The following PRKAG2 variants were observed in gnomAD, a reference collection of about 807,000 sequenced individuals.
PRKAG2 encodes protein kinase AMP-activated non-catalytic subunit gamma 2.
A neutral mutation model predicts 69.6 loss-of-function variants in PRKAG2; 26 were observed. The ratio of observed to expected loss-of-function variants is 0.37; its 90% confidence interval spans 0.27 to 0.52. The LOEUF is 0.52. Ranked by LOEUF, PRKAG2 falls within the 20% of genes least tolerant of loss-of-function variation. The probability of loss-of-function intolerance (pLI) is 0.90; values close to 1 mark genes in which losing one functional copy is unlikely to be tolerated. For synonymous variants in PRKAG2, 293 were observed against 285.0 expected (o/e 1.03, Z -0.28); for missense variants, 557 against 740.0 (o/e 0.75, Z 2.87).
chr7:151,563,447 T>C (rs2150986031), intron 14 of PRKAG2, among the ~76,000 whole-genome samples: 1 of 152,342 alleles, frequency 6.6e-6, no homozygotes, highest in Admixed American at 6.5e-5. Context: ...GAGAAAAAAG[T>C]TTTACTGACT....
intron 3 of PRKAG2, among the ~76,000 whole-genome samples, chr7:151,729,878 C>T (rs1238210533): frequency 6.6e-6 from 1 of 152,226 alleles, no homozygotes; most frequent in Admixed American, 6.5e-5. Flanking sequence ...GCATCACCAC[C>T]ACCTGACCTG....
At chr7:151,736,107 G>A (rs771774638) in intron 3 of PRKAG2, 31 of 1,497,546 alleles carry the variant, frequency 2.1e-5, no homozygotes, top group Middle Eastern at 1.7e-4. Flanking sequence ...GGCACAGGGC[G>A]CCCCAAAAGC....
chr7:151,832,645 G>GCCC lies in PRKAG2; in HGVS notation c.114+43859_114+43861dup, dbSNP rs2079065103. Among the ~76,000 whole-genome samples, 8 of 151,580 alleles carry GCCC rather than the reference G, an allele frequency of 5.3e-5. No homozygotes were observed. In the South Asian group the frequency reaches 1.7e-3, roughly 32 times the overall value. ...ACCCTGGGTCCCTTCCACAGCGTGA[G>GCCC]CCCCCCGTGCCTGCAAAGGAACGCA... On this transcript the variant is annotated intron_variant, in intron 1 of 15. Coordinates refer to ENST00000287878, the MANE Select transcript of PRKAG2 (RefSeq NM_016203.4).
At chr7:151,876,474 C>CT in intron 1 of PRKAG2, 33 bp downstream of exon 1, 1 of 1,579,806 alleles carries the variant, frequency 6.3e-7, no homozygotes, top group Non-Finnish European at 8.6e-7. Context: ...GACAGGAGGG[C>CT]TGGGGAGCAG....
rs891038646 is a variant in PRKAG2 at position 151,780,849 on chromosome 7, C to G, written c.466+303G>C. Among the ~76,000 whole-genome samples, 1 of 152,176 alleles carries G rather than the reference C, an allele frequency of 6.6e-6. No individual in the cohort carries two copies. The highest frequency in any genetic ancestry group is 6.5e-5 in the Admixed American group (1 of 15,288). On this transcript the variant is annotated intron_variant, in intron 3 of 15. Transcript: ENST00000287878. The surrounding 1 kb of genome is among the most constrained non-coding windows in gnomAD (Gnocchi z 4.2). ...AGAAGGCTGGAGGCAAGTGTGTCAT[C>G]TGATTGTCCATACAAGCTGTACTGT...
rs1295335074 is a variant in PRKAG2, at chr7:151,814,640, A to G, written c.115-28099T>C. ...CTGTGCTCCGAGCTGCTGCCACTGCATGTCTGCAACAGATGGGGACCGGGG... is the reference window on the plus strand; with the variant it reads ...CTGTGCTCCGAGCTGCTGCCACTGCGTGTCTGCAACAGATGGGGACCGGGG... On this transcript the variant is annotated intron_variant, in intron 1 of 15. Coordinates refer to ENST00000287878, the MANE Select transcript of PRKAG2 (RefSeq NM_016203.4). This position sits in a 1 kb window ranked among gnomAD's most constrained non-coding sequence, Gnocchi z 4.8. 1.6e-6 allele frequency: 2 copies of G among 1,231,676 alleles called. No homozygotes were observed. Among genetic ancestry groups the G allele is most frequent in the Non-Finnish European group, 2.0e-6 (2 of 988,016 alleles). 76.3% of individuals were successfully genotyped at this position (1,231,676 alleles called of 1,614,324 possible).
chr7:151,749,163 C>G (rs992624550), intron 3 of PRKAG2, among the ~76,000 whole-genome samples: 13 of 151,544 alleles, frequency 8.6e-5, no homozygotes, highest in Non-Finnish European at 1.6e-4. Flanking sequence ...ATCCAAAGAT[C>G]AAACTCAGAA....
chr7:151,804,847 T>C (rs2078021622), intron 1 of PRKAG2, among the ~76,000 whole-genome samples: 1 of 152,168 alleles, frequency 6.6e-6, no homozygotes, highest in Non-Finnish European at 1.5e-5. Context: ...CAGGTTTTGT[T>C]GCGGCTGCTG....
At position 151,809,124 on chromosome 7, in the gene PRKAG2, G is replaced by A. The variant is rs2078282627; in HGVS notation, c.115-22583C>T. 3 of 415,728 alleles carry A rather than the reference G, an allele frequency of 7.2e-6. No individual in the cohort carries two copies. The East Asian group carries it at 2.1e-4, about 30-fold the overall frequency. 25.8% of individuals were successfully genotyped at this position (415,728 alleles called of 1,614,324 possible). A position where few individuals can be genotyped will look rare whatever the true frequency, so the allele number is the denominator to read the frequency against. On this transcript the variant is annotated intron_variant, in intron 1 of 15. Coordinates refer to ENST00000287878, the MANE Select transcript of PRKAG2 (RefSeq NM_016203.4). ...GGGGTGGTGGCAGATGCCTGCAGCT[G>A]GCTCCCAGCCAGGTTTGGCCATCCT...
chr7:151,596,581 T>A (rs1303820501), intron 5 of PRKAG2, among the ~76,000 whole-genome samples: 1 of 152,046 alleles, frequency 6.6e-6, no homozygotes, highest in Non-Finnish European at 1.5e-5. Context: ...AAACCCCGTC[T>A]CTACTAAAAA....
At chr7:151,585,247 C>T (rs929015890) in intron 6 of PRKAG2, among the ~76,000 whole-genome samples, 1 of 152,098 alleles carries the variant, frequency 6.6e-6, no homozygotes, top group Non-Finnish European at 1.5e-5. Context: ...ACAGGTTGAA[C>T]GTAAGTGATA....
chr7:151,776,974 C>G (rs1016140764), intron 3 of PRKAG2, among the ~76,000 whole-genome samples: 1 of 152,262 alleles, frequency 6.6e-6, no homozygotes, highest in Non-Finnish European at 1.5e-5. Flanking sequence ...TGGACACTGC[C>G]GGGGTGAGGC....
In PRKAG2 at chr7:151,692,724, C is replaced by T. The variant is rs549766479; in HGVS notation, c.467-17087G>A. On this transcript the variant is annotated intron_variant, in intron 3 of 15. Coordinates refer to ENST00000287878, the MANE Select transcript of PRKAG2 (RefSeq NM_016203.4). ...CCTTGAAGGAGGGACAGGCAGGGCT[C>T]GGATGGAGACGCCTCAGCATGATGG... Among the ~76,000 whole-genome samples the T allele has an allele frequency of 1.1e-4, 16 of 152,248 alleles. No individual in the cohort carries two copies. In the East Asian group the frequency reaches 2.9e-3, roughly 28 times the overall value.
At chr7:151,586,705 C>G (rs942104487) in intron 6 of PRKAG2, among the ~76,000 whole-genome samples, 1 of 152,170 alleles carries the variant, frequency 6.6e-6, no homozygotes, top group African/African-American at 2.4e-5. Flanking sequence ...CTGAGCAGTT[C>G]TGTTTTCTCT....
intron 5 of PRKAG2, among the ~76,000 whole-genome samples, chr7:151,611,142 G>C (rs913565751): frequency 6.6e-6 from 1 of 152,168 alleles, no homozygotes; most frequent in Non-Finnish European, 1.5e-5. Context: ...GTCAAAAGAA[G>C]GAACAGAGAA....
chr7:151,566,498 G>A (rs1278707057), intron 11 of PRKAG2: 2 of 382,296 alleles, frequency 5.2e-6, no homozygotes, highest in East Asian at 7.3e-5. Flanking sequence ...AAAGGAGGAG[G>A]GATATGGCAG....
intron 3 of PRKAG2, among the ~76,000 whole-genome samples, chr7:151,694,927 T>C (rs942760951): frequency 2.0e-5 from 3 of 152,134 alleles, no homozygotes; most frequent in Admixed American, 1.3e-4. Flanking sequence ...TCCCTCCGGG[T>C]CAGAATCTGT....
chr7:151,858,805 C>A (rs1456951605), intron 1 of PRKAG2, among the ~76,000 whole-genome samples: 1 of 152,186 alleles, frequency 6.6e-6, no homozygotes. Flanking sequence ...ATTCAGCAAG[C>A]ACCTGCTATG....
intron 2 of PRKAG2, among the ~76,000 whole-genome samples, chr7:151,783,912 CAAAAAAAA>C (rs536105914): frequency 6.9e-4 from 20 of 28,956 alleles, no homozygotes; most frequent in African/African-American, 1.4e-3. Flanking sequence ...GACCCTGTCT[CAAAAAAAA>C]AAAAAAAAAA....
Sources: gnomAD v4.1 joint callset for allele counts (sites outside exome capture counted in the v4.1 genomes callset) on GRCh38, gnomAD v4.1.1 for gene constraint, Gnocchi (gnomAD v3.1) non-coding constraint, MANE v1.5 for transcripts, NCBI Gene and HGNC (gene_info 2026-07-23, HGNC 2026-07-21) for gene names.